The following EXOC4 variants were observed in gnomAD, a reference collection of about 807,000 sequenced individuals.
EXOC4 encodes SEC8-like 1.
A neutral mutation model predicts 107.2 loss-of-function variants in EXOC4; 71 were observed. The observed-to-expected ratio is 0.66, with a 90% CI of 0.55 to 0.81. The LOEUF is 0.81. Among genes scored for constraint, EXOC4 ranks in the 30% least tolerant of loss-of-function variants. The pLI is 0.00. For synonymous variants in EXOC4, 456 were observed against 441.2 expected (o/e 1.03, Z -0.42); for missense variants, 1,108 against 1,189.6 (o/e 0.93, Z 1.01).
At chr7:133,900,747 T>G (rs1301648037) in intron 12 of EXOC4, among the ~76,000 whole-genome samples, 1 of 152,190 alleles carries the variant, frequency 6.6e-6, no homozygotes, top group Non-Finnish European at 1.5e-5. Context: ...TGATAAGACT[T>G]TGGCCACTGA....
intron 7 of EXOC4, among the ~76,000 whole-genome samples, chr7:133,383,204 A>G (rs139999271): frequency 3.6e-4 from 55 of 152,330 alleles, no homozygotes; most frequent in African/African-American, 1.3e-3. Flanking sequence ...TGAATTCTGC[A>G]TAGCAAAGGA....
chr7:134,047,907 C>T (rs185244942), intron 17 of EXOC4, among the ~76,000 whole-genome samples: 2 of 152,230 alleles, frequency 1.3e-5, no homozygotes, highest in Admixed American at 1.3e-4. Context: ...TTAATTGATG[C>T]GAGGCTGGCC....
intron 13 of EXOC4, among the ~76,000 whole-genome samples, chr7:133,932,758 C>T (rs1033936157): frequency 3.9e-5 from 6 of 152,104 alleles, no homozygotes; most frequent in Admixed American, 6.5e-5. Context: ...ATAGTCTTGG[C>T]CATTTGAGTC....
chr7:133,592,625 G>A (rs1801576598), intron 9 of EXOC4, among the ~76,000 whole-genome samples: 1 of 151,740 alleles, frequency 6.6e-6, no homozygotes, highest in African/African-American at 2.4e-5. Flanking sequence ...TGTTTTTGAC[G>A]TGGAGTCTCA....
At chr7:133,484,198 T>A (rs1039092005) in intron 9 of EXOC4, 6 of 1,526,064 alleles carry the variant, frequency 3.9e-6, no homozygotes, top group African/African-American at 1.4e-5. Flanking sequence ...ATTAAAAAAA[T>A]GAGATTTCTT....
chr7:133,620,147 C>T (rs1375042910), intron 9 of EXOC4, among the ~76,000 whole-genome samples: 2 of 151,968 alleles, frequency 1.3e-5, no homozygotes, highest in African/African-American at 4.8e-5. Context: ...CTCAGCCTCC[C>T]ATGTAGCTGG....
chr7:133,470,515 C>T (rs1388217866), intron 7 of EXOC4, among the ~76,000 whole-genome samples: 1 of 152,004 alleles, frequency 6.6e-6, no homozygotes, highest in Non-Finnish European at 1.5e-5. Context: ...CGTAATAGGT[C>T]CTCAGAAAAA....
chr7:133,456,138 G>C (rs1798457820), intron 7 of EXOC4, among the ~76,000 whole-genome samples: 1 of 152,142 alleles, frequency 6.6e-6, no homozygotes, highest in Non-Finnish European at 1.5e-5. Flanking sequence ...TGCAAAGGAG[G>C]TGAAAGCACC....
intron 10 of EXOC4, among the ~76,000 whole-genome samples, chr7:133,651,124 G>A (rs1017393485): frequency 2.0e-5 from 3 of 151,842 alleles, no homozygotes; most frequent in South Asian, 2.1e-4. Flanking sequence ...AGTTTCTGTC[G>A]AAATAAGACC....
At chr7:134,027,656 CA>C (rs11408269) in intron 17 of EXOC4, among the ~76,000 whole-genome samples, 29 of 124,712 alleles carry the variant, frequency 2.3e-4, no homozygotes, top group Admixed American at 2.6e-4. Flanking sequence ...GACTCCATCT[CA>C]AAAAAAAAAA....
At chr7:133,377,496 G>C (rs1279116911) in intron 7 of EXOC4, among the ~76,000 whole-genome samples, 3 of 152,096 alleles carry the variant, frequency 2.0e-5, no homozygotes, top group African/African-American at 2.4e-5. Context: ...AGAAAAAATA[G>C]ACAAAAGGAA....
At chr7:133,327,295 C>T (rs529801559) in intron 5 of EXOC4, among the ~76,000 whole-genome samples, 127 of 152,296 alleles carry the variant, frequency 8.3e-4, no homozygotes, top group African/African-American at 2.9e-3. Flanking sequence ...CCGTCTTCTG[C>T]GTCACTCATG....
At chr7:133,524,079 A>G (rs1228261376) in intron 9 of EXOC4, among the ~76,000 whole-genome samples, 2 of 142,226 alleles carry the variant, frequency 1.4e-5, no homozygotes, top group East Asian at 2.1e-4. Context: ...AAGTGTTCCT[A>G]TTTCTCCACA....
chr7:133,562,751 A>G (rs1800834456), intron 9 of EXOC4, among the ~76,000 whole-genome samples: 1 of 152,220 alleles, frequency 6.6e-6, no homozygotes, highest in African/African-American at 2.4e-5. Flanking sequence ...CGTGTATCAT[A>G]CTGGGACCTT....
chr7:134,052,028 G>A (rs1246627839), intron 17 of EXOC4, among the ~76,000 whole-genome samples: 1 of 152,174 alleles, frequency 6.6e-6, no homozygotes, highest in African/African-American at 2.4e-5. Context: ...ATGACAGTTG[G>A]GTTGAGGATG....
chr7:134,080,339 T>C, the EXOC4 span, among the ~76,000 whole-genome samples: 1 of 152,190 alleles, frequency 6.6e-6, no homozygotes, highest in Non-Finnish European at 1.5e-5. Flanking sequence ...AAAGTAGTTG[T>C]GAGTACAACT....
chr7:133,266,894 T>C (rs535406003), intron 1 of EXOC4, among the ~76,000 whole-genome samples: 2 of 152,332 alleles, frequency 1.3e-5, no homozygotes, highest in South Asian at 2.1e-4. Context: ...CTGGAGTCCA[T>C]ATTTTTTGAG....
chr7:133,996,239 T>C (rs1047522084), intron 14 of EXOC4, among the ~76,000 whole-genome samples: 1 of 152,224 alleles, frequency 6.6e-6, no homozygotes, highest in African/African-American at 2.4e-5. Context: ...ATGATATAGA[T>C]ACTATTACCC....
chr7:133,402,881 A>AT (rs956173651), intron 7 of EXOC4, among the ~76,000 whole-genome samples: 3,336 of 114,876 alleles, frequency 0.029, 97 homozygotes, highest in South Asian at 0.062. Context: ...AGAGCCTAAT[A>AT]TTTTTTTTTT....
Sources: allele counts gnomAD v4.1 joint callset (sites outside exome capture counted in the v4.1 genomes callset), GRCh38; gene constraint gnomAD v4.1.1; transcripts MANE v1.5; gene names NCBI Gene and HGNC (gene_info 2026-07-23, HGNC 2026-07-21).